SNTG1: variants seen among roughly 807,000 people sequenced by gnomAD.
The protein encoded by SNTG1 is syntrophin gamma 1.
SNTG1 carries 39 observed loss-of-function variants against 74.7 expected under a neutral mutation model. The observed-to-expected ratio is 0.52, with a 90% CI of 0.40 to 0.68. The LOEUF is 0.68. Among genes scored for constraint, SNTG1 ranks in the 30% least tolerant of loss-of-function variants. The pLI is 0.00. For missense variants in SNTG1, 685 were observed against 609.5 expected (o/e 1.12, Z -1.30); for synonymous variants, 254 against 217.1 (o/e 1.17, Z -1.49).
chr8:50,353,239 A>G (rs1356455021), intron 2 of SNTG1, among the ~76,000 whole-genome samples: 1 of 120,756 alleles, frequency 8.3e-6, no homozygotes, highest in East Asian at 2.9e-4. Context: ...GGAACATCAC[A>G]CACTGGGGCC....
intron 2 of SNTG1, among the ~76,000 whole-genome samples, chr8:50,174,084 G>T (rs750906785): frequency 5.3e-5 from 8 of 152,280 alleles, no homozygotes; most frequent in African/African-American, 1.7e-4. Flanking sequence ...GAGAACATGC[G>T]GTGTTTGGTT....
At chr8:50,567,120 A>G (rs559145736) in intron 12 of SNTG1, among the ~76,000 whole-genome samples, 2 of 152,188 alleles carry the variant, frequency 1.3e-5, no homozygotes, top group South Asian at 4.1e-4. Flanking sequence ...TGTTGATGAA[A>G]CTGGACAAAA....
At chr8:50,178,461 A>T (rs914568824) in intron 2 of SNTG1, among the ~76,000 whole-genome samples, 2 of 151,946 alleles carry the variant, frequency 1.3e-5, no homozygotes, top group Admixed American at 1.3e-4. Flanking sequence ...AGGTTATCTA[A>T]CATGTTAGTT....
At chr8:50,642,310 C>T (rs528811472) in intron 13 of SNTG1, among the ~76,000 whole-genome samples, 1 of 152,288 alleles carries the variant, frequency 6.6e-6, no homozygotes, top group South Asian at 2.1e-4. Flanking sequence ...GCATTCTAAA[C>T]AGGCCTTCTT....
chr8:50,507,780 C>T (rs2094021347), intron 9 of SNTG1, among the ~76,000 whole-genome samples: 1 of 151,720 alleles, frequency 6.6e-6, no homozygotes, highest in African/African-American at 2.4e-5. Flanking sequence ...GTGTGCTGCA[C>T]CCATTAACTC....
At chr8:50,469,995 T>C (rs2131736598) in intron 8 of SNTG1, among the ~76,000 whole-genome samples, 1 of 152,202 alleles carries the variant, frequency 6.6e-6, no homozygotes, top group African/African-American at 2.4e-5. Flanking sequence ...AAACAAACAG[T>C]TCTCCTTATC....
intron 2 of SNTG1, among the ~76,000 whole-genome samples, chr8:50,332,662 A>C (rs2091009741): frequency 6.6e-6 from 1 of 152,220 alleles, no homozygotes; most frequent in Non-Finnish European, 1.5e-5. Context: ...TGTCATAGGC[A>C]TACATGGCTC....
At chr8:50,040,649 C>A (rs1279756050) in intron 1 of SNTG1, among the ~76,000 whole-genome samples, 1 of 152,090 alleles carries the variant, frequency 6.6e-6, no homozygotes, top group Non-Finnish European at 1.5e-5. Flanking sequence ...GAAGGAGATG[C>A]TTATAAATGT....
intron 13 of SNTG1, among the ~76,000 whole-genome samples, chr8:50,651,094 T>C (rs1424191704): frequency 6.6e-6 from 1 of 152,202 alleles, no homozygotes; most frequent in Non-Finnish European, 1.5e-5. Flanking sequence ...TCATGGATAT[T>C]AGTAATTTAT....
intron 8 of SNTG1, among the ~76,000 whole-genome samples, chr8:50,469,530 C>T (rs2093634922): frequency 6.6e-6 from 1 of 152,106 alleles, no homozygotes; most frequent in African/African-American, 2.4e-5. Flanking sequence ...CATCTAATTC[C>T]TTCACCCTCT....
intron 1 of SNTG1, among the ~76,000 whole-genome samples, chr8:50,031,714 G>C (rs1462051493): frequency 6.6e-6 from 1 of 151,704 alleles, no homozygotes; most frequent in African/African-American, 2.4e-5. Context: ...TTTATGTATT[G>C]GTAAATCCTT....
intron 17 of SNTG1, among the ~76,000 whole-genome samples, chr8:50,729,783 C>T (rs538724288): frequency 6.6e-6 from 1 of 152,142 alleles, no homozygotes; most frequent in African/African-American, 2.4e-5. Context: ...AAGGGCTAGT[C>T]ATACTTAAGG....
At chr8:50,744,230 C>T (rs920097355) in intron 17 of SNTG1, among the ~76,000 whole-genome samples, 2 of 151,928 alleles carry the variant, frequency 1.3e-5, no homozygotes, top group African/African-American at 4.8e-5. Context: ...ATAATAATAG[C>T]AAAGTCACAG....
intron 1 of SNTG1, among the ~76,000 whole-genome samples, chr8:49,932,901 T>C (rs1489615924): frequency 6.6e-6 from 1 of 152,230 alleles, no homozygotes; most frequent in African/African-American, 2.4e-5. Flanking sequence ...CTTCTTTCAC[T>C]TGGCATACTG....
chr8:50,553,197 G>A lies in SNTG1; in HGVS notation c.810+18G>A. On this transcript the variant is annotated intron_variant, in intron 12 of 18. Coordinates refer to ENST00000642720, the MANE Select transcript of SNTG1 (RefSeq NM_018967.5). ...AGCACAATGTAAGTAATGATTCAAG[G>A]AATACCTAGCCAGGGTTTCTCAGGC... 1 of 1,613,272 alleles carries A rather than the reference G, an allele frequency of 6.2e-7. No homozygotes were observed. The highest frequency in any genetic ancestry group is 8.5e-7 in the Non-Finnish European group (1 of 1,179,614).
intron 1 of SNTG1, among the ~76,000 whole-genome samples, chr8:50,148,611 T>A (rs1318855157): frequency 1.3e-5 from 2 of 152,204 alleles, no homozygotes; most frequent in African/African-American, 4.8e-5. Context: ...CCAAGTGTTC[T>A]CATTGTTCAA....
intron 1 of SNTG1, among the ~76,000 whole-genome samples, chr8:50,106,472 C>A (rs1238094280): frequency 6.6e-6 from 1 of 152,108 alleles, no homozygotes; most frequent in East Asian, 1.9e-4. Context: ...TGAGGGTTGG[C>A]CATCCTCATC....
chr8:50,659,008 T>A (rs1291652060), intron 15 of SNTG1, among the ~76,000 whole-genome samples: 1 of 151,976 alleles, frequency 6.6e-6, no homozygotes, highest in Non-Finnish European at 1.5e-5. Flanking sequence ...TGTTTTTTTT[T>A]TTAATTCTTT....
At chr8:50,711,133 C>T (rs757091423) in intron 17 of SNTG1, among the ~76,000 whole-genome samples, 2 of 152,084 alleles carry the variant, frequency 1.3e-5, no homozygotes, top group Non-Finnish European at 2.9e-5. Flanking sequence ...AACTTGCACC[C>T]CTTCATCAGA....
Sources: gnomAD v4.1 joint callset for allele counts (sites outside exome capture counted in the v4.1 genomes callset) on GRCh38, gnomAD v4.1.1 for gene constraint, MANE v1.5 for transcripts, NCBI Gene and HGNC (gene_info 2026-07-23, HGNC 2026-07-21) for gene names.